Variants in NRXN1 observed in about 807,000 individuals in gnomAD.
The protein encoded by NRXN1 is neurexin 1.
A neutral mutation model predicts 150.9 loss-of-function variants in NRXN1; 39 were observed. That is an observed-to-expected ratio of 0.26 (90% CI 0.20 to 0.34). The LOEUF is 0.34. NRXN1 is among the 10% of genes least tolerant of loss of function. NRXN1 has a pLI of 1.00. For missense variants in NRXN1, 1,815 were observed against 1,949.9 expected, an observed-to-expected ratio of 0.93 and a Z score of 1.30; for synonymous variants, 924 against 757.0, an observed-to-expected ratio of 1.22 and a Z score of -3.62.
intron 5 of NRXN1, among the ~76,000 whole-genome samples, chr2:50,883,168 T>C (rs1265882395): frequency 2.0e-5 from 3 of 151,884 alleles, no homozygotes; most frequent in African/African-American, 4.8e-5. Context: ...GAATATTCTA[T>C]TTGCAATTTT....
chr2:50,408,455 T>C (rs950183990), intron 17 of NRXN1, among the ~76,000 whole-genome samples: 1 of 152,234 alleles, frequency 6.6e-6, no homozygotes, highest in African/African-American at 2.4e-5. Flanking sequence ...GTAGCTGAGA[T>C]AGCCAGGGCT....
intron 8 of NRXN1, among the ~76,000 whole-genome samples, chr2:50,598,935 T>C (rs1675781632): frequency 6.6e-6 from 1 of 151,504 alleles, no homozygotes; most frequent in South Asian, 2.1e-4. Context: ...TTTTGTTTTG[T>C]TTTGTTTTGT....
chr2:50,447,566 A>G (rs2086541652), intron 17 of NRXN1, among the ~76,000 whole-genome samples: 1 of 146,332 alleles, frequency 6.8e-6, no homozygotes, highest in South Asian at 2.1e-4. Context: ...ACATATATAT[A>G]TATTTCAAAA....
At position 50,920,658 on chromosome 2, in the gene NRXN1, C is replaced by A. The variant is rs190378356; in HGVS notation, c.832+1211G>T. ...GAGAACGCAGTGGATGAGATTTTGG[C>A]CTCAAGTAAAAATGTTTAGAAAGCA... On this transcript the variant is annotated intron_variant, in intron 5 of 22. Transcript: ENST00000401669. Among the ~76,000 whole-genome samples the A allele has an allele frequency of 6.5e-4, 98 of 151,660 alleles. 1 individual carries two copies. The highest frequency in any genetic ancestry group is 2.2e-3 in the African/African-American group (92 of 41,452).
At chr2:50,402,963 G>A (rs555871876) in intron 17 of NRXN1, among the ~76,000 whole-genome samples, 203 of 152,248 alleles carry the variant, frequency 1.3e-3, no homozygotes, top group African/African-American at 4.4e-3. Context: ...ATGATATAGC[G>A]CTTTCCAAAA....
intron 18 of NRXN1, among the ~76,000 whole-genome samples, chr2:50,174,085 T>G (rs918817791): frequency 6.6e-6 from 1 of 152,156 alleles, no homozygotes; most frequent in Non-Finnish European, 1.5e-5. Flanking sequence ...AAAATAGAGC[T>G]TCTCTCTAAA....
chr2:50,845,332 G>C (rs1328345558), intron 5 of NRXN1, among the ~76,000 whole-genome samples: 1 of 152,056 alleles, frequency 6.6e-6, no homozygotes, highest in African/African-American at 2.4e-5. Flanking sequence ...CTATAATCCA[G>C]GCAATTAGAA....
At chr2:50,688,568 T>A (rs1177776270) in intron 5 of NRXN1, among the ~76,000 whole-genome samples, 1 of 152,144 alleles carries the variant, frequency 6.6e-6, no homozygotes, top group Non-Finnish European at 1.5e-5. Context: ...AGAATCCAGT[T>A]ACAGCCAGGT....
intron 11 of NRXN1, among the ~76,000 whole-genome samples, chr2:50,529,457 G>C (rs1472939603): frequency 6.6e-6 from 1 of 152,156 alleles, no homozygotes. Flanking sequence ...AGAACGTCTT[G>C]TATGGGTAAC....
At chr2:50,812,723 A>AGT (rs143701404) in intron 5 of NRXN1, among the ~76,000 whole-genome samples, 25,284 of 145,944 alleles carry the variant, frequency 0.17, 3,393 homozygotes, top group East Asian at 0.42. Flanking sequence ...AAATAATAAG[A>AGT]GTGTGTGTGT....
rs540381842 is a variant in NRXN1, at chr2:50,856,741, CTT to C, written c.832+65126_832+65127del. On this transcript the variant is annotated intron_variant, in intron 5 of 22. Coordinates refer to ENST00000401669, the MANE Select transcript of NRXN1 (RefSeq NM_001330078.2). ...TTCATGATACTTAATTACTTTTGTTCTTTAATTCATTTAACTTCCCTCTGAGG... is the reference window on the plus strand; with the variant it reads ...TTCATGATACTTAATTACTTTTGTTCTAATTCATTTAACTTCCCTCTGAGG... Among the ~76,000 whole-genome samples the C allele has an allele frequency of 1.5e-3, 225 of 152,100 alleles. 1 individual carries two copies. The highest frequency in any genetic ancestry group is 4.8e-3 in the African/African-American group (200 of 41,542).
At chr2:50,748,940 A>G (rs1700284586) in intron 5 of NRXN1, among the ~76,000 whole-genome samples, 1 of 152,126 alleles carries the variant, frequency 6.6e-6, no homozygotes, top group Non-Finnish European at 1.5e-5. Flanking sequence ...AGTCCAAAAA[A>G]GATTCATGAT....
chr2:50,940,412 T>C (rs1401005493), intron 2 of NRXN1, among the ~76,000 whole-genome samples: 1 of 147,642 alleles, frequency 6.8e-6, no homozygotes, highest in African/African-American at 2.5e-5. Context: ...GAGGTGGAGG[T>C]TGCAGTGAAC....
At chr2:50,821,049 C>CT (rs1454095516) in intron 5 of NRXN1, among the ~76,000 whole-genome samples, 1 of 152,076 alleles carries the variant, frequency 6.6e-6, no homozygotes, top group Admixed American at 6.6e-5. Flanking sequence ...TTATTTAGGA[C>CT]TTGGCAGAAG....
intron 5 of NRXN1, among the ~76,000 whole-genome samples, chr2:50,879,796 C>T (rs749410116): frequency 1.3e-5 from 2 of 151,786 alleles, no homozygotes; most frequent in African/African-American, 2.4e-5. Context: ...ATCCAAGTAC[C>T]GGCTATAGGA....
chr2:50,257,213 G>A (rs926979364), intron 17 of NRXN1, among the ~76,000 whole-genome samples: 2 of 151,988 alleles, frequency 1.3e-5, no homozygotes, highest in African/African-American at 4.8e-5. Flanking sequence ...ACCTTCCACA[G>A]GAGGCTACCG....
intron 17 of NRXN1, among the ~76,000 whole-genome samples, chr2:50,368,408 A>G (rs974557883): frequency 6.6e-6 from 1 of 152,044 alleles, no homozygotes; most frequent in Non-Finnish European, 1.5e-5. Flanking sequence ...GTTATTACAA[A>G]AAACCTGGGG....
chr2:50,901,095 T>C (rs1341872719), intron 5 of NRXN1, among the ~76,000 whole-genome samples: 1 of 152,168 alleles, frequency 6.6e-6, no homozygotes, highest in African/African-American at 2.4e-5. Flanking sequence ...TTTTGTTGTT[T>C]TTGTTAATGC....
intron 21 of NRXN1, chr2:49,970,452 G>A (rs188579706): frequency 6.6e-6 from 1 of 152,022 alleles, no homozygotes. Context: ...TGTCTTTAAT[G>A]TGCCAAAAGA....
Sources: allele counts gnomAD v4.1 joint callset (sites outside exome capture counted in the v4.1 genomes callset), GRCh38; gene constraint gnomAD v4.1.1; transcripts MANE v1.5; gene names NCBI Gene and HGNC (gene_info 2026-07-23, HGNC 2026-07-21).